The following ANKRD11 variants were observed in gnomAD, a reference collection of about 807,000 sequenced individuals.
ANKRD11 encodes ankyrin repeat domain 11, also known as ankyrin repeat domain-containing protein 11.
A neutral mutation model predicts 195.7 loss-of-function variants in ANKRD11; 17 were observed. The observed-to-expected ratio is 0.09, with a 90% CI of 0.06 to 0.13. ANKRD11 has a LOEUF of 0.13. Among genes scored for constraint, ANKRD11 ranks in the 10% least tolerant of loss-of-function variants. ANKRD11 has a pLI of 1.00. For synonymous variants in ANKRD11, 1,953 were observed against 1,528.1 expected (o/e 1.28, Z -6.49); for missense variants, 3,735 against 3,566.1 (o/e 1.05, Z -1.21).
intron 1 of ANKRD11, among the ~76,000 whole-genome samples, chr16:89,425,668 G>A (rs2042688185): frequency 6.6e-6 from 1 of 151,834 alleles, no homozygotes; most frequent in Non-Finnish European, 1.5e-5. Flanking sequence ...CGGGCTGGGG[G>A]CAGAGAAGGT....
At chr16:89,477,627 G>C (rs948709293) in intron 1 of ANKRD11, among the ~76,000 whole-genome samples, 13 of 151,622 alleles carry the variant, frequency 8.6e-5, no homozygotes, top group African/African-American at 3.1e-4. Context: ...AAAGTGCTGG[G>C]ATTACAGGTG....
chr16:89,339,071 G>A (rs766848783), intron 2 of ANKRD11, among the ~76,000 whole-genome samples: 33 of 152,150 alleles, frequency 2.2e-4, no homozygotes, highest in Admixed American at 1.1e-3. Flanking sequence ...GAGGACAGAC[G>A]TCCTGGGTAA....
intron 2 of ANKRD11, among the ~76,000 whole-genome samples, chr16:89,361,257 C>T (rs552625829): frequency 1.3e-5 from 2 of 152,316 alleles, no homozygotes; most frequent in South Asian, 4.1e-4. Context: ...AGGGCCTGCC[C>T]CAAGCAGCAG....
intron 1 of ANKRD11, among the ~76,000 whole-genome samples, chr16:89,467,889 C>T (rs952427331): frequency 6.6e-6 from 1 of 152,072 alleles, no homozygotes; most frequent in African/African-American, 2.4e-5. Context: ...CAACCTCTGC[C>T]TCCCGGGTTC....
intron 1 of ANKRD11, among the ~76,000 whole-genome samples, chr16:89,464,013 C>T (rs1429385272): frequency 3.3e-5 from 5 of 152,092 alleles, no homozygotes; most frequent in Non-Finnish European, 2.9e-5. Flanking sequence ...GTGAGGTGGG[C>T]GGATCACTTG....
chr16:89,326,779 G>A (rs987212670), intron 2 of ANKRD11, among the ~76,000 whole-genome samples: 4 of 152,166 alleles, frequency 2.6e-5, no homozygotes, highest in South Asian at 2.1e-4. Flanking sequence ...AACACAACCG[G>A]GGCATGAAAA....
chr16:89,489,814 G>A (rs1205893089), intron 1 of ANKRD11, among the ~76,000 whole-genome samples: 2 of 100,256 alleles, frequency 2.0e-5, no homozygotes, highest in African/African-American at 3.8e-5. Context: ...CGCCTCTCAC[G>A]GCCGCCCCGG....
intron 1 of ANKRD11, among the ~76,000 whole-genome samples, chr16:89,434,461 G>A (rs1022314559): frequency 6.6e-6 from 1 of 152,172 alleles, no homozygotes; most frequent in Non-Finnish European, 1.5e-5. Context: ...AGAATCCAGC[G>A]AAGTCGCTGC....
intron 2 of ANKRD11, among the ~76,000 whole-genome samples, chr16:89,386,917 C>T (rs368171179): frequency 1.1e-4 from 17 of 151,980 alleles, no homozygotes; most frequent in African/African-American, 3.9e-4. Flanking sequence ...CAGCTCCCCA[C>T]GCCTCGACCA....
chr16:89,275,072 T>C, intron 10 of ANKRD11, 21 bp downstream of exon 10: 1 of 1,612,666 alleles, frequency 6.2e-7, no homozygotes, highest in South Asian at 1.1e-5. Flanking sequence ...GGCGCCCCCC[T>C]GCCTGTGCCA....
At chr16:89,366,952 C>T (rs2039974028) in intron 2 of ANKRD11, among the ~76,000 whole-genome samples, 1 of 152,232 alleles carries the variant, frequency 6.6e-6, no homozygotes, top group African/African-American at 2.4e-5. Context: ...TGTACAAAGA[C>T]AGACCCACAG....
intron 2 of ANKRD11, among the ~76,000 whole-genome samples, chr16:89,417,487 A>T (rs1416279725): frequency 1.3e-5 from 2 of 152,206 alleles, no homozygotes; most frequent in African/African-American, 4.8e-5. Flanking sequence ...CTCAGAGCCA[A>T]GGCCAAAGTC....
At chr16:89,474,627 C>A (rs563414427) in intron 1 of ANKRD11, among the ~76,000 whole-genome samples, 2 of 152,162 alleles carry the variant, frequency 1.3e-5, no homozygotes, top group Non-Finnish European at 2.9e-5. Flanking sequence ...TTCCAACCTA[C>A]CACCAACACA....
chr16:89,411,208 C>G (rs1156418499), intron 2 of ANKRD11, among the ~76,000 whole-genome samples: 1 of 152,258 alleles, frequency 6.6e-6, no homozygotes, highest in African/African-American at 2.4e-5. Flanking sequence ...TCCACCACAT[C>G]CCCTCTCGTG....
chr16:89,333,356 C>A (rs1461889427), intron 2 of ANKRD11, among the ~76,000 whole-genome samples: 1 of 152,216 alleles, frequency 6.6e-6, no homozygotes, highest in Non-Finnish European at 1.5e-5. Context: ...AGCTGAGACC[C>A]CCCTGGACAC....
intron 1 of ANKRD11, among the ~76,000 whole-genome samples, chr16:89,463,679 A>T (rs8055457): frequency 0.5 from 76,118 of 150,968 alleles, 19,895 homozygotes; most frequent in Middle Eastern, 0.66. Flanking sequence ...AAAAATAAAT[A>T]AATTAAAAAA....
intron 1 of ANKRD11, among the ~76,000 whole-genome samples, chr16:89,470,970 G>A (rs938252880): frequency 2.0e-5 from 3 of 152,086 alleles, no homozygotes; most frequent in Non-Finnish European, 4.4e-5. Context: ...TCCAGCCTGG[G>A]CGACAGAGCG....
rs201005805 is a variant in ANKRD11 at position 89,283,410 on chromosome 16, T to C, written c.3132A>G (p.Glu1044=). 6.2e-7 allele frequency: 1 copy of C among 1,614,156 alleles called. No homozygotes were observed. The highest frequency in any genetic ancestry group is 2.2e-5 in the East Asian group (1 of 44,888). ...DKDKSEKSIL[E]KCQKDKEFDK... The stretch of plus-strand genomic sequence containing the variant: ...CAAATTCTTTGTCCTTCTGACATTT[T>C]TCCAGGATTGATTTCTCACTTTTGT... Residue 1044 remains glutamate, a synonymous_variant, in exon 9 of 13, where the codon GAA becomes GAG. Coordinates refer to ENST00000301030, the MANE Select transcript of ANKRD11 (RefSeq NM_013275.6). This position sits in a 1 kb window ranked among gnomAD's most constrained non-coding sequence, Gnocchi z 4.3.
intron 2 of ANKRD11, among the ~76,000 whole-genome samples, chr16:89,345,056 G>A (rs1486586626): frequency 2.6e-5 from 4 of 152,162 alleles, no homozygotes; most frequent in Non-Finnish European, 4.4e-5. Context: ...GGGAAGCCCA[G>A]CTCGGATGGT....
Sources: allele counts gnomAD v4.1 joint callset (sites outside exome capture counted in the v4.1 genomes callset), GRCh38; gene constraint gnomAD v4.1.1; non-coding constraint Gnocchi (gnomAD v3.1); transcripts MANE v1.5; gene names NCBI Gene and HGNC (gene_info 2026-07-23, HGNC 2026-07-21).